The following KIR3DL1 variants were observed in gnomAD, a reference collection of about 807,000 sequenced individuals.
The protein encoded by KIR3DL1 is killer cell immunoglobulin-like receptor 3DL1.
In KIR3DL1, 50 loss-of-function variants were observed where a neutral mutation model predicts 40.3. That is an observed-to-expected ratio of 1.24 (90% CI 0.99 to 1.57). The LOEUF is 1.57. Ranked by LOEUF, KIR3DL1 falls within the 40% of genes most tolerant of loss-of-function variation. KIR3DL1 has a pLI of 0.00. For synonymous variants in KIR3DL1, 257 were observed against 207.2 expected (o/e 1.24, Z -2.07); for missense variants, 661 against 559.9 (o/e 1.18, Z -1.82).
Position 54,817,380 on chromosome 19 carries a change from C to G in KIR3DL1, c.35-154C>G, listed in dbSNP as rs369389235. ...CCTGGAGGCTCAGTCTCTGCACAGC[C>G]GAGATCCTTGTTCCTGGGGGCAGGT... is the stretch of plus-strand genomic sequence containing the variant. On this transcript the variant is annotated intron_variant, in intron 1 of 8. Transcript: ENST00000391728. 6.9e-5 allele frequency among the ~76,000 whole-genome samples: 10 copies of G among 145,450 alleles called. 1 individual carries two copies. The East Asian group carries it at 2.1e-3, about 30-fold the overall frequency.
At position 54,829,477 on chromosome 19, in the gene KIR3DL1, G is replaced by A. The variant is rs367751202; in HGVS notation, c.1105+12G>A. ...CTCCAACAAAAAAAGTAAGTCTCAC[G>A]GGGCACAGGCCAGAGAGCTCAGGGC... On this transcript the variant is annotated intron_variant, in intron 7 of 8. Coordinates refer to ENST00000391728, the Ensembl canonical transcript of KIR3DL1. The A allele has an allele frequency of 1.4e-5, 20 of 1,453,286 alleles. 3 individuals carry two copies. Among genetic ancestry groups the A allele is most frequent in the African/African-American group, 2.8e-5 (2 of 70,438 alleles). The allele number at this position is 1,453,286 out of a possible 1,614,324, so 90.0% of individuals were successfully genotyped here. A position where few individuals can be genotyped will look rare whatever the true frequency, so the allele number is the denominator to read the frequency against.
intron 4 of KIR3DL1, among the ~76,000 whole-genome samples, chr19:54,820,703 C>T (rs1323821783): frequency 4.6e-5 from 7 of 150,896 alleles, no homozygotes; most frequent in African/African-American, 1.5e-4. Flanking sequence ...AAGAGATTCA[C>T]AGACACATAA....
intron 5 of KIR3DL1, among the ~76,000 whole-genome samples, chr19:54,823,493 T>TTTTA (rs1180737054): frequency 3.3e-5 from 5 of 150,524 alleles, no homozygotes; most frequent in Admixed American, 2.7e-4. Context: ...CTTTACTTTA[T>TTTTA]TTTATTTATT....
At chr19:54,818,480 G>A (rs1460005083) in exon 3 of KIR3DL1, 1 of 1,610,156 alleles carries the variant, frequency 6.2e-7, no homozygotes, top group Non-Finnish European at 8.5e-7. Flanking sequence ...TTCCAGGAGA[G>A]CTTCAACATG....
Position 54,823,927 on chromosome 19 carries a change from T to A in KIR3DL1, c.950-1101T>A, listed in dbSNP as rs541987156. ...GTTTGTGGAGAAATGTCTCCTCATG[T>A]CTTTTGCTCGTTTTTTAATTAAATT... On this transcript the variant is annotated intron_variant, in intron 5 of 8. Transcript: ENST00000391728. Among the ~76,000 whole-genome samples the A allele has an allele frequency of 2.7e-3, 383 of 140,160 alleles. 12 individuals are homozygous for A. The highest frequency in any genetic ancestry group is 9.6e-3 in the African/African-American group (372 of 38,584). The allele number at this position is 140,160 out of a possible 152,430, so 92.0% of individuals were successfully genotyped here. A position where few individuals can be genotyped will look rare whatever the true frequency, so the allele number is the denominator to read the frequency against.
At chr19:54,827,835 C>A (rs1336368533) in intron 6 of KIR3DL1, among the ~76,000 whole-genome samples, 1 of 150,466 alleles carries the variant, frequency 6.6e-6, no homozygotes, top group African/African-American at 2.5e-5. Flanking sequence ...CAGCACAAAT[C>A]CTGGAATAGA....
At chr19:54,820,685 A>C (rs1370929366) in intron 4 of KIR3DL1, among the ~76,000 whole-genome samples, 1 of 151,386 alleles carries the variant, frequency 6.6e-6, no homozygotes, top group South Asian at 2.1e-4. Context: ...AGCCAGAAGA[A>C]GGAGATTAAG....
At chr19:54,821,951 G>A (rs1409285912) in intron 5 of KIR3DL1, 93 bp downstream of exon 5, 11 of 1,426,572 alleles carry the variant, frequency 7.7e-6, no homozygotes, top group Non-Finnish European at 1.1e-5. Context: ...ATGGACAGAT[G>A]CAGAGAGAAG....
At chr19:54,819,484 T>A (rs1373067290) in intron 3 of KIR3DL1, among the ~76,000 whole-genome samples, 1 of 150,974 alleles carries the variant, frequency 6.6e-6, no homozygotes. Flanking sequence ...GATGAGGCTG[T>A]CTTCACAGTG....
At chr19:54,821,371 G>T (rs1334878551) in intron 4 of KIR3DL1, among the ~76,000 whole-genome samples, 194 bp from the exon 5 acceptor site, 1 of 151,102 alleles carries the variant, frequency 6.6e-6, no homozygotes, top group Non-Finnish European at 1.5e-5. Context: ...TCAGGGTGGG[G>T]AAGTGAGGTC....
At chr19:54,820,162 A>C (rs1187247640) in intron 4 of KIR3DL1, 150 bp downstream of exon 4, 2 of 828,968 alleles carry the variant, frequency 2.4e-6, no homozygotes, top group Non-Finnish European at 3.8e-6. Context: ...ACAGAGACAG[A>C]GAAACAGGAG....
rs534784691 is a variant in KIR3DL1 at position 54,819,100 on chromosome 19, G to A, written c.355+501G>A. ...GATTCGCTGATTCTCCAGAGGGAAC[G>A]CAGCCCTGTAGACACCTTGATTTCA... On this transcript the variant is annotated intron_variant, in intron 3 of 8. Transcript: ENST00000391728. Among the ~76,000 whole-genome samples the A allele has an allele frequency of 5.3e-5, 8 of 151,422 alleles. 1 individual carries two copies. The highest frequency in any genetic ancestry group is 1.5e-4 in the African/African-American group (6 of 41,096).
rs189438008 is a variant in KIR3DL1 at position 54,821,040 on chromosome 19, A to T, written c.656-525A>T. ...TGATGATAGACACATAGATATATAC[A>T]TAGATGATACATAAATAGAGACAGA... On this transcript the variant is annotated intron_variant, in intron 4 of 8. Coordinates refer to ENST00000391728, the Ensembl canonical transcript of KIR3DL1. Among the ~76,000 whole-genome samples the T allele has an allele frequency of 7.7e-3, 1,157 of 150,602 alleles. 31 individuals carry two copies. Among genetic ancestry groups the T allele is most frequent in the Non-Finnish European group, 0.011 (768 of 67,728 alleles).
rs1386977581 is a variant in KIR3DL1, at chr19:54,830,205, C to T, written c.1265C>T (p.Pro422Leu). Residue 422 changes from proline (P) to leucine (L), a missense_variant, in exon 9 of 9, where the codon CCT becomes CTT. Physicochemically the swap from Pro to Leu is moderately conservative, Grantham distance 98. Coordinates refer to ENST00000391728, the Ensembl canonical transcript of KIR3DL1. ...CCTTCTCAGAGGCCCAAGACACCCC[C>T]TACAGATACCATCTTGTACACGGAA... is the stretch of plus-strand genomic sequence containing the variant. The T allele has an allele frequency of 2.4e-5, 37 of 1,524,268 alleles. 8 individuals carry two copies. The highest frequency in any genetic ancestry group is 3.3e-5 in the Non-Finnish European group (37 of 1,122,900). 94.4% of individuals were successfully genotyped at this position (1,524,268 alleles called of 1,614,324 possible). A position where few individuals can be genotyped will look rare whatever the true frequency, so the allele number is the denominator to read the frequency against.
chr19:54,816,970 G>A lies in KIR3DL1; in HGVS notation c.34+436G>A, dbSNP rs796385542. ...GATATGGGCCTGGAGTGGAGATATG[G>A]GCCTAGAGGTGGAGTTATGGGCCCG... On this transcript the variant is annotated intron_variant, in intron 1 of 8. Transcript: ENST00000391728. Among the ~76,000 whole-genome samples the A allele has an allele frequency of 7.7e-4, 108 of 140,652 alleles. 1 individual carries two copies. Among genetic ancestry groups the A allele is most frequent in the Middle Eastern group, 8.3e-3 (2 of 240 alleles). 92.3% of individuals were successfully genotyped at this position (140,652 alleles called of 152,430 possible).
At chr19:54,827,484 T>C (rs2061964359) in intron 6 of KIR3DL1, among the ~76,000 whole-genome samples, 1 of 150,348 alleles carries the variant, frequency 6.7e-6, no homozygotes, top group Admixed American at 6.6e-5. Context: ...TGGTGGTGCA[T>C]CCCTGTAATC....
In KIR3DL1 at chr19:54,829,967, C is replaced by T; in HGVS notation, c.1145C>T (p.Thr382Ile). 2 of 1,484,844 alleles carry T rather than the reference C, an allele frequency of 1.3e-6. 1 individual carries two copies. Among genetic ancestry groups the T allele is most frequent in the South Asian group, 2.6e-5 (2 of 75,642 alleles). The allele number at this position is 1,484,844 out of a possible 1,614,324, so 92.0% of individuals were successfully genotyped here. ...GACCAAGAGCCTGCAGGGAACAGAA[C>T]AGCCAACAGCGAGGTAGGTGCTCCT... Residue 382 changes from threonine to isoleucine, a missense_variant, in exon 8 of 9, where the codon ACA (threonine) becomes ATA (isoleucine). By Grantham distance (89) the Thr-to-Ile change is moderately conservative. This residue lies in a region of KIR3DL1 where 107 missense variants were observed against 129.4 expected (regional missense o/e 0.83). Transcript: ENST00000391728.
chr19:54,817,363 C>G (rs2061402287), intron 1 of KIR3DL1, among the ~76,000 whole-genome samples, 171 bp from the exon 2 acceptor site: 2 of 142,674 alleles, frequency 1.4e-5, no homozygotes, highest in East Asian at 4.2e-4. Flanking sequence ...GGCCTGGAGG[C>G]TCAGTCTCTG....
At chr19:54,828,002 T>C (rs34989611) in intron 6 of KIR3DL1, among the ~76,000 whole-genome samples, 18,346 of 147,072 alleles carry the variant, frequency 0.12, 1,598 homozygotes, top group Non-Finnish European at 0.16. Flanking sequence ...CAGAGATCAG[T>C]GCCAGCACTA....
Sources: gnomAD v4.1 joint callset for allele counts (sites outside exome capture counted in the v4.1 genomes callset) on GRCh38, gnomAD v4.1.1 for gene constraint, gnomAD v4.1.1 regional missense constraint, MANE v1.5 for transcripts, NCBI Gene and HGNC (gene_info 2026-07-23, HGNC 2026-07-21) for gene names.